The following BRIP1 variants were observed in gnomAD, a reference collection of about 807,000 sequenced individuals.
The protein encoded by BRIP1 is Fanconi anemia group J protein.
A neutral mutation model predicts 119.7 loss-of-function variants in BRIP1; 88 were observed. The observed-to-expected ratio is 0.74, with a 90% CI of 0.62 to 0.88. The LOEUF (loss-of-function observed/expected upper bound fraction) is 0.88, where lower values mean the gene tolerates loss of function less well. Among genes scored for constraint, BRIP1 ranks in the 40% least tolerant of loss-of-function variants. BRIP1 has a pLI of 0.00. For synonymous variants in BRIP1, 443 were observed against 496.5 expected (o/e 0.89, Z 1.43); for missense variants, 1,259 against 1,455.4 (o/e 0.87, Z 2.20).
intron 10 of BRIP1, among the ~76,000 whole-genome samples, chr17:61,792,273 G>A (rs2077830308): frequency 6.6e-6 from 1 of 152,168 alleles, no homozygotes; most frequent in South Asian, 2.1e-4. Flanking sequence ...AGACTGTTTA[G>A]CAGTTTCTTG....
intron 18 of BRIP1, among the ~76,000 whole-genome samples, chr17:61,688,204 T>TG: frequency 6.6e-6 from 1 of 152,210 alleles, no homozygotes; most frequent in Non-Finnish European, 1.5e-5. Flanking sequence ...TCAGGCGTGA[T>TG]GGCTCATGCC....
At position 61,799,254 on chromosome 17, in the gene BRIP1, G is replaced by C. The variant is rs1603342316; in HGVS notation, c.1186C>G (p.His396Asp). ...TCCCGAGCACAGTCCTCGATGTTAT[G>C]AGCTTCATCTAAAATGACAACCTGT... Reference protein sequence around the residue: ...KEQVVILDEAHNIEDCARESA... With the variant: ...KEQVVILDEADNIEDCARESA... Residue 396 changes from histidine to aspartate, a missense_variant, in exon 9 of 20, where the codon CAT becomes GAT. His to Asp is a moderately conservative substitution (Grantham distance 81, BLOSUM62 -1). Transcript: ENST00000259008. The surrounding 1 kb of genome is among the most constrained non-coding windows in gnomAD (Gnocchi z 5.1). 6.2e-7 allele frequency: 1 copy of C among 1,613,408 alleles called. No homozygotes were observed. The highest frequency in any genetic ancestry group is 1.7e-5 in the Admixed American group (1 of 59,918).
Position 61,842,980 on chromosome 17 carries a change from A to G in BRIP1, c.627+4121T>C, listed in dbSNP as rs2078678470. ...ATGAAAATAACCTAAGTGTCTGTCAATGGATGAATAAAGAAAATGTGGTGT... is the reference window on the plus strand; with the variant it reads ...ATGAAAATAACCTAAGTGTCTGTCAGTGGATGAATAAAGAAAATGTGGTGT... On this transcript the variant is annotated intron_variant, in intron 6 of 19. Coordinates refer to ENST00000259008, the MANE Select transcript of BRIP1 (RefSeq NM_032043.3). The surrounding 1 kb of genome is among the most constrained non-coding windows in gnomAD (Gnocchi z 5.1). Among the ~76,000 whole-genome samples the G allele has an allele frequency of 6.6e-6, 1 of 152,234 alleles. No homozygotes were observed. The highest frequency in any genetic ancestry group is 2.4e-5 in the African/African-American group (1 of 41,466).
chr17:61,800,222 G>C (rs189466287), intron 8 of BRIP1, among the ~76,000 whole-genome samples: 1 of 152,250 alleles, frequency 6.6e-6, no homozygotes, highest in African/African-American at 2.4e-5. Flanking sequence ...GCAATAGAAA[G>C]AGTACTGACT....
rs2145010733 is a variant in BRIP1, at chr17:61,775,228, T to C, written c.2097+1173A>G. Among the ~76,000 whole-genome samples the C allele has an allele frequency of 6.6e-6, 1 of 152,302 alleles. No homozygotes were observed. Among genetic ancestry groups the C allele is most frequent in the Non-Finnish European group, 1.5e-5 (1 of 67,992 alleles). ...ACACTGGAATAAATCTTGTTTTCCA[T>C]TAAGAATTTTAAAAAATGTTTATGT... On this transcript the variant is annotated intron_variant, in intron 14 of 19. Coordinates refer to ENST00000259008, the MANE Select transcript of BRIP1 (RefSeq NM_032043.3). The surrounding 1 kb of genome is among the most constrained non-coding windows in gnomAD (Gnocchi z 4.4).
intron 17 of BRIP1, among the ~76,000 whole-genome samples, chr17:61,715,501 C>T (rs184149329): frequency 2.6e-5 from 4 of 152,134 alleles, no homozygotes; most frequent in Admixed American, 6.5e-5. Context: ...ACACAGATTC[C>T]GTACTGAAAG....
rs2078219582 is a variant in BRIP1 at position 61,815,243 on chromosome 17, TG to T, written c.628-6487del. ...GTTTTCAACCTAATTTATTAGGAAA[TG>T]GGTTCTCAAATTAGGGTCCATGGGC... On this transcript the variant is annotated intron_variant, in intron 6 of 19. Coordinates refer to ENST00000259008, the MANE Select transcript of BRIP1 (RefSeq NM_032043.3). The surrounding 1 kb of genome is among the most constrained non-coding windows in gnomAD (Gnocchi z 4.1). Among the ~76,000 whole-genome samples the T allele has an allele frequency of 6.6e-6, 1 of 152,070 alleles. No individual in the cohort carries two copies. Among genetic ancestry groups the T allele is most frequent in the African/African-American group, 2.4e-5 (1 of 41,424 alleles).
intron 16 of BRIP1, among the ~76,000 whole-genome samples, chr17:61,723,616 C>T (rs1375872916): frequency 6.6e-6 from 1 of 152,178 alleles, no homozygotes; most frequent in Non-Finnish European, 1.5e-5. Flanking sequence ...GCACCATAAA[C>T]TGAGCTCAAG....
Position 61,825,522 on chromosome 17 carries a change from G to T in BRIP1, c.628-16765C>A, listed in dbSNP as rs2078392770. Among the ~76,000 whole-genome samples, 1 of 151,572 alleles carries T rather than the reference G, an allele frequency of 6.6e-6. No homozygotes were observed. Among genetic ancestry groups the T allele is most frequent in the African/African-American group, 2.4e-5 (1 of 41,264 alleles). On this transcript the variant is annotated intron_variant, in intron 6 of 19. Coordinates refer to ENST00000259008, the MANE Select transcript of BRIP1 (RefSeq NM_032043.3). The surrounding 1 kb of genome is among the most constrained non-coding windows in gnomAD (Gnocchi z 4.1). The stretch of plus-strand genomic sequence containing the variant: ...CCTTAAGCTGATAAACAACTTGTCA[G>T]GATACTAAATCAATATGCAAAATTT...
chr17:61,839,706 A>C (rs950577024), intron 6 of BRIP1, among the ~76,000 whole-genome samples: 1 of 152,226 alleles, frequency 6.6e-6, no homozygotes, highest in African/African-American at 2.4e-5. Flanking sequence ...AAATTGTCAG[A>C]GGCCTATATC....
intron 9 of BRIP1, among the ~76,000 whole-genome samples, chr17:61,797,423 G>C (rs1157243318): frequency 6.6e-6 from 1 of 151,960 alleles, no homozygotes; most frequent in East Asian, 1.9e-4. Context: ...TGAGATAAAA[G>C]AAACAATAAC....
At position 61,744,639 on chromosome 17, in the gene BRIP1, AAACTT is replaced by A. The variant is rs759691086; in HGVS notation, c.2098-53_2098-49del. 6.5e-7 allele frequency: 1 copy of A among 1,532,702 alleles called. No homozygotes were observed. Among genetic ancestry groups the A allele is most frequent in the South Asian group, 1.1e-5 (1 of 89,310 alleles). 94.9% of individuals were successfully genotyped at this position (1,532,702 alleles called of 1,614,324 possible). A position where few individuals can be genotyped will look rare whatever the true frequency, so the allele number is the denominator to read the frequency against. On this transcript the variant is annotated intron_variant, in intron 14 of 19. Transcript: ENST00000259008. The surrounding 1 kb of genome is among the most constrained non-coding windows in gnomAD (Gnocchi z 5.0). ...TGATTTTTTGTGTGTCTAGCTAAACAAACTTAACTTCATTTGTTTAAGCCAATGTG... is the reference window on the plus strand; with the variant it reads ...TGATTTTTTGTGTGTCTAGCTAAACAAACTTCATTTGTTTAAGCCAATGTG...
rs1336654794 is a variant in BRIP1, at chr17:61,815,513, T to C, written c.628-6756A>G. On this transcript the variant is annotated intron_variant, in intron 6 of 19. Coordinates refer to ENST00000259008, the MANE Select transcript of BRIP1 (RefSeq NM_032043.3). The surrounding 1 kb of genome is among the most constrained non-coding windows in gnomAD (Gnocchi z 4.1). Reference sequence around the variant, plus strand: ...ACAGCCAAGAGAATTTCATAAAGTTTCCTCCACTGCTTCTGAACTCATTTC... The same window carrying C: ...ACAGCCAAGAGAATTTCATAAAGTTCCCTCCACTGCTTCTGAACTCATTTC... Among the ~76,000 whole-genome samples, 1 of 152,168 alleles carries C rather than the reference T, an allele frequency of 6.6e-6. No individual in the cohort carries two copies. Among genetic ancestry groups the C allele is most frequent in the African/African-American group, 2.4e-5 (1 of 41,446 alleles).
intron 6 of BRIP1, among the ~76,000 whole-genome samples, chr17:61,836,535 C>G (rs2078577270): frequency 6.6e-6 from 1 of 152,150 alleles, no homozygotes; most frequent in Admixed American, 6.6e-5. Flanking sequence ...AATCATACAT[C>G]TACTTAACTA....
Position 61,744,817 on chromosome 17 carries a change from GCTA to G in BRIP1, c.2098-229_2098-227del, listed in dbSNP as rs572767514. On this transcript the variant is annotated intron_variant, in intron 14 of 19. Coordinates refer to ENST00000259008, the MANE Select transcript of BRIP1 (RefSeq NM_032043.3). This position sits in a 1 kb window ranked among gnomAD's most constrained non-coding sequence, Gnocchi z 5.0. ...GCTGGCACAGTTAGCTGCTGCTGCT[GCTA>G]CTACTACTATTATCTTGGCAATTTC... 1.3e-5 allele frequency among the ~76,000 whole-genome samples: 2 copies of G among 150,866 alleles called. No individual in the cohort carries two copies. Among genetic ancestry groups the G allele is most frequent in the South Asian group, 2.1e-4 (1 of 4,802 alleles).
Position 61,762,236 on chromosome 17 carries a change from TA to T in BRIP1, c.2097+14164del, listed in dbSNP as rs1056965536. Among the ~76,000 whole-genome samples the T allele has an allele frequency of 2.1e-4, 31 of 151,018 alleles. No homozygotes were observed. Among genetic ancestry groups the T allele is most frequent in the Admixed American group, 1.9e-3 (28 of 15,098 alleles). ...AAATGGACCCTTATCTCACAATATTTAAAAAAAAACTCAAAATGAATTAAAG... is the reference window on the plus strand; with the variant it reads ...AAATGGACCCTTATCTCACAATATTTAAAAAAAACTCAAAATGAATTAAAG... On this transcript the variant is annotated intron_variant, in intron 14 of 19. Transcript: ENST00000259008. This position sits in a 1 kb window ranked among gnomAD's most constrained non-coding sequence, Gnocchi z 4.3.
At chr17:61,711,033 CA>C (rs11308154) in intron 17 of BRIP1, among the ~76,000 whole-genome samples, 42,833 of 110,042 alleles carry the variant, frequency 0.39, 5,983 homozygotes, top group Middle Eastern at 0.53. Context: ...GACTCCATCT[CA>C]AAAAAAAAAA....
chr17:61,797,737 A>G (rs968286720), intron 9 of BRIP1, among the ~76,000 whole-genome samples: 1 of 152,074 alleles, frequency 6.6e-6, no homozygotes, highest in Non-Finnish European at 1.5e-5. Flanking sequence ...TAAATCATTA[A>G]GAAAAAGAAC....
intron 16 of BRIP1, among the ~76,000 whole-genome samples, chr17:61,716,680 T>C (rs2061868558): frequency 6.6e-6 from 1 of 151,728 alleles, no homozygotes; most frequent in African/African-American, 2.4e-5. Context: ...GTTATTGTTA[T>C]GATTGGGTTT....
Sources: gnomAD v4.1 joint callset for allele counts (sites outside exome capture counted in the v4.1 genomes callset) on GRCh38, gnomAD v4.1.1 for gene constraint, Gnocchi (gnomAD v3.1) non-coding constraint, MANE v1.5 for transcripts, NCBI Gene and HGNC (gene_info 2026-07-23, HGNC 2026-07-21) for gene names.